The following ZNF414 variants were observed in gnomAD, a reference collection of about 807,000 sequenced individuals.
ZNF414 encodes zinc finger protein 414.
Under a neutral mutation model 38.3 loss-of-function variants are expected in ZNF414, and 32 were observed. That is an observed-to-expected ratio of 0.83 (90% CI 0.63 to 1.12). The LOEUF (loss-of-function observed/expected upper bound fraction) is 1.12. Among genes scored for constraint, ZNF414 ranks in the 50% most tolerant of loss-of-function variants. The pLI, the probability that ZNF414 is intolerant of heterozygous loss-of-function variation, is 0.00. For missense variants in ZNF414, 589 were observed against 557.4 expected (o/e 1.06, Z -0.57); for synonymous variants, 256 against 248.0 (o/e 1.03, Z -0.30).
Position 8,511,869 on chromosome 19 carries a change from GCGGGGCTGGGCT to G in ZNF414, c.610_621del (p.Ser204_Pro207del). On this transcript the variant is annotated inframe_deletion, in exon 5 of 8. Transcript: ENST00000393927. ...TCTCGGTCCAGGGCCGGGGGTGGCG[GCGGGGCTGGGCT>G]CTGCGCATGCTCCGCGCAAACATGC... The G allele has an allele frequency of 7.1e-7, 1 of 1,401,004 alleles. No homozygotes were observed. The highest frequency in any genetic ancestry group is 2.7e-5 in the East Asian group (1 of 36,646). The allele number at this position is 1,401,004 out of a possible 1,614,324, so 86.8% of individuals were successfully genotyped here. A position where few individuals can be genotyped will look rare whatever the true frequency, so the allele number is the denominator to read the frequency against.
chr19:8,511,077 C>A, intron 6 of ZNF414, 53 bp from the exon 7 acceptor site: 2 of 1,286,608 alleles, frequency 1.6e-6, no homozygotes, highest in South Asian at 2.5e-5. Flanking sequence ...CCAGAAGACC[C>A]GTGCGCCAAG....
intron 3 of ZNF414, 55 bp downstream of exon 3, chr19:8,512,549 G>T: frequency 3.7e-6 from 6 of 1,609,938 alleles, no homozygotes; most frequent in Admixed American, 1.7e-5. Context: ...GGCTCCGAGG[G>T]GCTCCGCCTG....
chr19:8,513,479 G>C lies in ZNF414; in HGVS notation c.4-138C>G, dbSNP rs180919368. ...TAAGCTCTTTTTTTCTTTTTATAAA[G>C]ATGGGGTCTCGCCATGTTGCCCTCA... On this transcript the variant is annotated intron_variant, in intron 1 of 7. Transcript: ENST00000393927. 3.4e-5 allele frequency: 28 copies of C among 826,362 alleles called. No individual in the cohort carries two copies. In the Admixed American group the frequency reaches 9.5e-4, roughly 28 times the overall value. 51.2% of individuals were successfully genotyped at this position (826,362 alleles called of 1,614,324 possible).
intron 6 of ZNF414, chr19:8,511,274 T>A: frequency 7.2e-7 from 1 of 1,397,630 alleles, no homozygotes; most frequent in East Asian, 2.8e-5. Context: ...AGGTGAACGG[T>A]GAAAGGGGCG....
In ZNF414 at chr19:8,513,320, T is replaced by C. The variant is rs1302685230; in HGVS notation, c.25A>G (p.Ile9Val). Residue 9 changes from isoleucine (I) to valine (V), a missense_variant, in exon 2 of 8, where the codon ATC becomes GTC. By Grantham distance (29) the Ile-to-Val change is conservative. Transcript: ENST00000393927. MEEKPSGP[I>V]PDMLATAEPS... Reference sequence around the variant, plus strand: ...TCTGCAGTGGCCAGCATGTCTGGGATGGGCCCTGAGGGTTTCTCCTCCTGG... The same window carrying C: ...TCTGCAGTGGCCAGCATGTCTGGGACGGGCCCTGAGGGTTTCTCCTCCTGG... 6.3e-7 allele frequency: 1 copy of C among 1,593,968 alleles called. No homozygotes were observed. Among genetic ancestry groups the C allele is most frequent in the African/African-American group, 1.3e-5 (1 of 74,774 alleles).
Position 8,511,921 on chromosome 19 carries a change from C to A in ZNF414, c.570G>T (p.Ser190=). 1 of 1,414,190 alleles carries A rather than the reference C, an allele frequency of 7.1e-7. No individual in the cohort carries two copies. Among genetic ancestry groups the A allele is most frequent in the Non-Finnish European group, 9.2e-7 (1 of 1,091,810 alleles). 87.6% of individuals were successfully genotyped at this position (1,414,190 alleles called of 1,614,324 possible). Residue 190 remains serine (S), a synonymous_variant, in exon 5 of 8, where the codon TCG becomes TCT. Coordinates refer to ENST00000393927, the MANE Select transcript of ZNF414 (RefSeq NM_001146175.2). ...NCLLRFRTHR[S]LFKHLHVCAE... is the part of the protein sequence containing the mutation. Reference sequence around the variant, plus strand: ...CGCAAACATGCAGGTGCTTGAAGAGCGAGCGGTGCGTGCGGAAGCGCAGGA... The same window carrying A: ...CGCAAACATGCAGGTGCTTGAAGAGAGAGCGGTGCGTGCGGAAGCGCAGGA...
chr19:8,513,997 C>T (rs774818104), intron 1 of ZNF414, 47 bp downstream of exon 1: 45 of 1,421,172 alleles, frequency 3.2e-5, no homozygotes, highest in Non-Finnish European at 4.1e-5. Flanking sequence ...CGCTCCCCGC[C>T]AGTCCCCGCA....
At chr19:8,513,482 G>A in intron 1 of ZNF414, 141 bp from the exon 2 acceptor site, 1 of 806,024 alleles carries the variant, frequency 1.2e-6, no homozygotes, top group Non-Finnish European at 1.8e-6. Flanking sequence ...TTATAAAGAT[G>A]GGGTCTCGCC....
In ZNF414 at chr19:8,510,877, C is replaced by G; in HGVS notation, c.1073G>C (p.Gly358Ala). ...RPGAPAAPAA[G>A]PPRPDAPADP... is the part of the protein sequence containing the mutation. ...CGCGGGGGCGTCGGGGCGCGGCGGCCCGGCCGCGGGGGCCGCGGGGGCGCC... is the reference window on the plus strand; with the variant it reads ...CGCGGGGGCGTCGGGGCGCGGCGGCGCGGCCGCGGGGGCCGCGGGGGCGCC... The change falls in exon 7 of 8, where the codon GGG becomes GCG. Residue 358 changes from glycine (G) to alanine (A), a missense_variant. Transcript: ENST00000393927. 3 of 1,131,360 alleles carry G rather than the reference C, an allele frequency of 2.7e-6. No homozygotes were observed. The highest frequency in any genetic ancestry group is 3.3e-6 in the Non-Finnish European group (3 of 916,500). 70.1% of individuals were successfully genotyped at this position (1,131,360 alleles called of 1,614,324 possible).
Position 8,511,744 on chromosome 19 carries a change from G to A in ZNF414, c.747C>T (p.Pro249=), listed in dbSNP as rs765254777. The A allele has an allele frequency of 1.4e-6, 2 of 1,456,566 alleles. No individual in the cohort carries two copies. Among genetic ancestry groups the A allele is most frequent in the African/African-American group, 2.9e-5 (2 of 67,956 alleles). 90.2% of individuals were successfully genotyped at this position (1,456,566 alleles called of 1,614,324 possible). ...TCAAGTAGGGCAGGAACGGTCCGGT[G>A]GGGGCAGGGGCGGGGGTCGTGAAGG... ...LEPFTTPAPA[P]TGPFLPYLNP... is the part of the protein sequence containing the mutation. Residue 249 remains proline (P), a synonymous_variant, in exon 5 of 8, where the codon CCC becomes CCT. Coordinates refer to ENST00000393927, the MANE Select transcript of ZNF414 (RefSeq NM_001146175.2).
chr19:8,514,167 C>G lies in ZNF414; in HGVS notation c.-121G>C, dbSNP rs1599893807. The G allele has an allele frequency of 4.4e-5, 56 of 1,258,736 alleles. 2 individuals carry two copies. The highest frequency in any genetic ancestry group is 3.5e-4 in the Admixed American group (9 of 25,756). 78.0% of individuals were successfully genotyped at this position (1,258,736 alleles called of 1,614,324 possible). A position where few individuals can be genotyped will look rare whatever the true frequency, so the allele number is the denominator to read the frequency against. On this transcript the variant is annotated 5_prime_UTR_variant, in exon 1 of 8. Transcript: ENST00000393927. ...GCGCCATTTTCCACCTCTCAGCTCTCGCGAGACTGGGGGCGGGGCCTGCGC... is the reference window on the plus strand; with the variant it reads ...GCGCCATTTTCCACCTCTCAGCTCTGGCGAGACTGGGGGCGGGGCCTGCGC...
At position 8,511,627 on chromosome 19, in the gene ZNF414, T is replaced by C. The variant is rs767507372; in HGVS notation, c.864A>G (p.Lys288=). The change falls in exon 5 of 8, where the codon AAA becomes AAG. Residue 288 remains lysine (K), a synonymous_variant. Transcript: ENST00000393927. ...GPPASSAAVW[K]KSQGAGSSPR... is the part of the protein sequence containing the mutation. The stretch of plus-strand genomic sequence containing the variant: ...CGACCCCACACTCACCTTGGCTCTT[T>C]TTCCAGACGGCGGCGCTGGAAGCCG... 2.0e-6 allele frequency: 3 copies of C among 1,511,888 alleles called. No individual in the cohort carries two copies. The highest frequency in any genetic ancestry group is 1.4e-5 in the African/African-American group (1 of 70,748). The allele number at this position is 1,511,888 out of a possible 1,614,324, so 93.7% of individuals were successfully genotyped here.
At position 8,510,580 on chromosome 19, in the gene ZNF414, G is replaced by C; in HGVS notation, c.*111C>G. The C allele has an allele frequency of 1.6e-6, 2 of 1,250,838 alleles. No homozygotes were observed. The highest frequency in any genetic ancestry group is 2.2e-6 in the Non-Finnish European group (2 of 906,804). 77.5% of individuals were successfully genotyped at this position (1,250,838 alleles called of 1,614,324 possible). ...GGACAAGGGATGGGAACACAGCATAGGCTGGCTCATGGCGCCTTCTTTATT... is the reference window on the plus strand; with the variant it reads ...GGACAAGGGATGGGAACACAGCATACGCTGGCTCATGGCGCCTTCTTTATT... On this transcript the variant is annotated 3_prime_UTR_variant, in exon 8 of 8. Coordinates refer to ENST00000393927, the MANE Select transcript of ZNF414 (RefSeq NM_001146175.2).
chr19:8,513,015 C>T lies in ZNF414; in HGVS notation c.316+14G>A. On this transcript the variant is annotated intron_variant, in intron 2 of 7. Coordinates refer to ENST00000393927, the MANE Select transcript of ZNF414 (RefSeq NM_001146175.2). ...AGGGACTGTGATTCCCCAGAAGACC[C>T]CATCACAGATCACCTGGAGGTGGGC... 1 of 1,450,302 alleles carries T rather than the reference C, an allele frequency of 6.9e-7. No homozygotes were observed. The highest frequency in any genetic ancestry group is 9.1e-7 in the Non-Finnish European group (1 of 1,103,868). 89.8% of individuals were successfully genotyped at this position (1,450,302 alleles called of 1,614,324 possible). A position where few individuals can be genotyped will look rare whatever the true frequency, so the allele number is the denominator to read the frequency against.
Position 8,511,807 on chromosome 19 carries a change from G to A in ZNF414, c.684C>T (p.Pro228=). 1.4e-6 allele frequency: 2 copies of A among 1,404,820 alleles called. No homozygotes were observed. Among genetic ancestry groups the A allele is most frequent in the Non-Finnish European group, 1.8e-6 (2 of 1,088,008 alleles). The allele number at this position is 1,404,820 out of a possible 1,614,324, so 87.0% of individuals were successfully genotyped here. ...PAPERPPEVD[P]ASAPGLPFPL... ...GGAACGGCAGGCCCGGCGCTGATGCGGGGTCAACCTCCGGGGGGCGCTCCG... is the reference window on the plus strand; with the variant it reads ...GGAACGGCAGGCCCGGCGCTGATGCAGGGTCAACCTCCGGGGGGCGCTCCG... The change falls in exon 5 of 8, where the codon CCC becomes CCT. Residue 228 remains proline (P), a synonymous_variant. Coordinates refer to ENST00000393927, the MANE Select transcript of ZNF414 (RefSeq NM_001146175.2).
rs768180214 is a variant in ZNF414 at position 8,513,224 on chromosome 19, T to G, written c.121A>C (p.Met41Leu). 2 of 1,582,032 alleles carry G rather than the reference T, an allele frequency of 1.3e-6. No individual in the cohort carries two copies. Among genetic ancestry groups the G allele is most frequent in the South Asian group, 1.1e-5 (1 of 88,280 alleles). Residue 41 changes from methionine to leucine, a missense_variant, in exon 2 of 8, where the codon ATG (methionine) becomes CTG (leucine). Coordinates refer to ENST00000393927, the MANE Select transcript of ZNF414 (RefSeq NM_001146175.2). The stretch of plus-strand genomic sequence containing the variant: ...TGCTCAGGGCCTGGCTCCTCCGACA[T>G]GGAGGAGGAAGGGGCTGCAGCTGGC... The part of the protein sequence containing the change: ...AVPAAAPSSS[M>L]SEEPGPEQAA...
At chr19:8,513,909 CT>C in intron 1 of ZNF414, 134 bp downstream of exon 1, 1 of 1,135,798 alleles carries the variant, frequency 8.8e-7, no homozygotes, top group African/African-American at 1.6e-5. Context: ...GTAGGGCGCT[CT>C]CCGAGTGACA....
At position 8,511,485 on chromosome 19, in the gene ZNF414, C is replaced by A; in HGVS notation, c.925+1G>T. The A allele has an allele frequency of 6.2e-7, 1 of 1,610,768 alleles. No individual in the cohort carries two copies. Among genetic ancestry groups the A allele is most frequent in the Non-Finnish European group, 8.5e-7 (1 of 1,178,924 alleles). On this transcript the variant is annotated splice_donor_variant, in intron 6 of 7. Transcript: ENST00000393927. LOFTEE classifies it high-confidence loss of function. Reference sequence around the variant, plus strand: ...CCTCCCTGGTGGTCACCTGCACGCACCTGAGGGCGCGTCGGAGCCGCCCTG... The same window carrying A: ...CCTCCCTGGTGGTCACCTGCACGCAACTGAGGGCGCGTCGGAGCCGCCCTG...
Position 8,511,964 on chromosome 19 carries a change from G to A in ZNF414, c.531-4C>T, listed in dbSNP as rs757791304. 1 of 1,414,478 alleles carries A rather than the reference G, an allele frequency of 7.1e-7. No individual in the cohort carries two copies. Among genetic ancestry groups the A allele is most frequent in the Non-Finnish European group, 9.1e-7 (1 of 1,093,278 alleles). 87.6% of individuals were successfully genotyped at this position (1,414,478 alleles called of 1,614,324 possible). Reference sequence around the variant, plus strand: ...GCGCAGGAGGCAGTTCTCACACCTGGAGGTGGGCAGAGGGCTGGGCTGGGC... The same window carrying A: ...GCGCAGGAGGCAGTTCTCACACCTGAAGGTGGGCAGAGGGCTGGGCTGGGC... On this transcript the variant is annotated splice_region_variant and splice_polypyrimidine_tract_variant and intron_variant, in intron 4 of 7. Coordinates refer to ENST00000393927, the MANE Select transcript of ZNF414 (RefSeq NM_001146175.2).
Sources: gnomAD v4.1 joint callset for allele counts on GRCh38, gnomAD v4.1.1 for gene constraint, MANE v1.5 for transcripts, NCBI Gene and HGNC (gene_info 2026-07-23, HGNC 2026-07-21) for gene names.